Variants in MCF2L2 observed in about 807,000 individuals in gnomAD.
MCF2L2 encodes MCF.2 cell line derived transforming sequence-like 2.
Under a neutral mutation model 150.2 loss-of-function variants are expected in MCF2L2, and 102 were observed. That is an observed-to-expected ratio of 0.68 (90% CI 0.58 to 0.80). The LOEUF is 0.80. MCF2L2 is among the 30% of genes least tolerant of loss of function. The probability of loss-of-function intolerance (pLI) is 0.00; values close to 1 mark genes in which losing one functional copy is unlikely to be tolerated. For synonymous variants in MCF2L2, 465 were observed against 491.3 expected, an observed-to-expected ratio of 0.95 and a Z score of 0.71; for missense variants, 1,256 against 1,372.8, an observed-to-expected ratio of 0.91 and a Z score of 1.34.
chr3:183,206,933 G>A (rs1722499824), intron 23 of MCF2L2, among the ~76,000 whole-genome samples: 3 of 32,000 alleles, frequency 9.4e-5, no homozygotes, highest in South Asian at 1.6e-3. Flanking sequence ...AAGGAAGGAA[G>A]GAAGGAAGGA....
rs554501708 is a variant in MCF2L2, at chr3:183,335,115, C to A, written c.486+3685G>T. Among the ~76,000 whole-genome samples the A allele has an allele frequency of 3.9e-5, 5 of 127,862 alleles. No individual in the cohort carries two copies. In the South Asian group the frequency reaches 6.9e-4, roughly 18 times the overall value. The allele number at this position is 127,862 out of a possible 152,430, so 83.9% of individuals were successfully genotyped here. On this transcript the variant is annotated intron_variant, in intron 5 of 29. Coordinates refer to ENST00000328913, the MANE Select transcript of MCF2L2 (RefSeq NM_015078.4). ...CCTGGGCAACAGAGAGAGACTCTGT[C>A]TTAAAAAAAAAAAAGAAAAAGAAAA...
At chr3:183,415,831 C>T (rs916250342) in intron 1 of MCF2L2, among the ~76,000 whole-genome samples, 1 of 152,116 alleles carries the variant, frequency 6.6e-6, no homozygotes, top group Admixed American at 6.5e-5. Flanking sequence ...TAAACCTAGC[C>T]TGACAATTTC....
intron 3 of MCF2L2, among the ~76,000 whole-genome samples, chr3:183,350,868 C>A (rs4859171): frequency 0.12 from 17,384 of 150,668 alleles, 1,657 homozygotes; most frequent in African/African-American, 0.25. Context: ...AGCGCCACGG[C>A]ACTCCAGCCT....
intron 25 of MCF2L2, among the ~76,000 whole-genome samples, chr3:183,199,403 G>A (rs955781408): frequency 6.6e-6 from 1 of 152,026 alleles, no homozygotes; most frequent in Admixed American, 6.6e-5. Flanking sequence ...GATAAAGCTC[G>A]CTGTGGATTT....
chr3:183,189,788 G>T (rs533259557), intron 27 of MCF2L2, among the ~76,000 whole-genome samples: 1 of 152,192 alleles, frequency 6.6e-6, no homozygotes, highest in Non-Finnish European at 1.5e-5. Context: ...AGTACAAGGC[G>T]AAGTAGGCCA....
chr3:183,207,597 AC>A lies in MCF2L2; in HGVS notation c.2712+10del, dbSNP rs781122576. The A allele has an allele frequency of 2.5e-6, 4 of 1,596,564 alleles. No individual in the cohort carries two copies. The highest frequency in any genetic ancestry group is 2.6e-6 in the Non-Finnish European group (3 of 1,164,780). ...TAGGGCGACTCCCAGATGCAATAGG[AC>A]TCCCTTTACCTTCATGGTCTTCTTG... On this transcript the variant is annotated intron_variant, in intron 23 of 29. Transcript: ENST00000328913.
chr3:183,202,922 T>G (rs1301711861), intron 25 of MCF2L2, among the ~76,000 whole-genome samples: 2 of 152,130 alleles, frequency 1.3e-5, no homozygotes, highest in African/African-American at 4.8e-5. Flanking sequence ...TACAAACTGT[T>G]CCTAGGCCAG....
Position 183,318,214 on chromosome 3 carries a change from T to C in MCF2L2, c.607A>G (p.Ile203Val), listed in dbSNP as rs781263346. 3 of 1,614,218 alleles carry C rather than the reference T, an allele frequency of 1.9e-6. No homozygotes were observed. Among genetic ancestry groups the C allele is most frequent in the Middle Eastern group, 1.6e-4 (1 of 6,062 alleles). Residue 203 changes from isoleucine to valine, a missense_variant, in exon 7 of 30, where the codon ATC becomes GTC. Ile to Val is a conservative substitution (Grantham distance 29). Coordinates refer to ENST00000328913, the MANE Select transcript of MCF2L2 (RefSeq NM_015078.4). ...HGQWVNHRTA[I>V]ENFALTLKTT... ...TTCAAGGTCAAGGCAAAGTTTTCGA[T>C]GGCCTGGAAGGTCAGACAATTGTAA...
intron 7 of MCF2L2, among the ~76,000 whole-genome samples, chr3:183,316,545 A>G (rs1729611609): frequency 6.6e-6 from 1 of 151,682 alleles, no homozygotes; most frequent in Non-Finnish European, 1.5e-5. Flanking sequence ...AGGTTTCCCC[A>G]TGTTGTCCAG....
intron 15 of MCF2L2, among the ~76,000 whole-genome samples, chr3:183,255,765 C>A (rs187397172): frequency 2.7e-5 from 4 of 150,074 alleles, no homozygotes; most frequent in African/African-American, 9.9e-5. Context: ...AAATGGTGAT[C>A]AGTTTTCTCT....
chr3:183,272,186 A>AG, intron 15 of MCF2L2: 2 of 1,000,308 alleles, frequency 2.0e-6, no homozygotes, highest in Non-Finnish European at 2.4e-6. Context: ...GATGTGTCTG[A>AG]GATCTAATAG....
chr3:183,333,901 A>T (rs538904813), intron 5 of MCF2L2, among the ~76,000 whole-genome samples: 25 of 151,340 alleles, frequency 1.7e-4, no homozygotes, highest in Non-Finnish European at 3.2e-4. Context: ...ACAAAGCTGG[A>T]TCAGAGCATG....
At chr3:183,195,194 C>G (rs1451783658) in intron 26 of MCF2L2, 28 bp downstream of exon 26, 4 of 1,565,122 alleles carry the variant, frequency 2.6e-6, no homozygotes, top group Admixed American at 1.9e-5. Context: ...ATTTGACATG[C>G]CTTTAAAATA....
intron 1 of MCF2L2, among the ~76,000 whole-genome samples, chr3:183,410,107 C>G (rs1715247468): frequency 6.6e-6 from 1 of 152,166 alleles, no homozygotes; most frequent in Non-Finnish European, 1.5e-5. Flanking sequence ...CCAATGCAAT[C>G]TCTAAAAGTG....
intron 5 of MCF2L2, among the ~76,000 whole-genome samples, chr3:183,323,676 T>C (rs919637255): frequency 1.3e-5 from 2 of 151,544 alleles, no homozygotes; most frequent in African/African-American, 4.9e-5. Context: ...CATGCACCTG[T>C]GGCCCCAGCT....
At chr3:183,342,885 G>A (rs942853207) in intron 3 of MCF2L2, among the ~76,000 whole-genome samples, 78 of 152,256 alleles carry the variant, frequency 5.1e-4, no homozygotes, top group Middle Eastern at 3.4e-3. Flanking sequence ...CTACAAAAGT[G>A]TGTATATGTG....
chr3:183,345,595 C>T (rs931028232), intron 3 of MCF2L2, among the ~76,000 whole-genome samples: 2 of 152,128 alleles, frequency 1.3e-5, no homozygotes. Flanking sequence ...GAGATAGAGA[C>T]CTGAAGAACC....
chr3:183,209,932 C>T (rs902161507), intron 22 of MCF2L2, among the ~76,000 whole-genome samples: 2 of 151,366 alleles, frequency 1.3e-5, no homozygotes, highest in African/African-American at 4.9e-5. Context: ...TCCAATCCTC[C>T]CCTAAAAAAA....
intron 25 of MCF2L2, 67 bp from the exon 26 acceptor site, chr3:183,195,322 T>G: frequency 8.9e-7 from 1 of 1,123,130 alleles, no homozygotes; most frequent in Non-Finnish European, 1.3e-6. Flanking sequence ...TTTTACATAG[T>G]GATTTTTAAA....
Sources: allele counts gnomAD v4.1 joint callset (sites outside exome capture counted in the v4.1 genomes callset), GRCh38; gene constraint gnomAD v4.1.1; transcripts MANE v1.5; gene names NCBI Gene and HGNC (gene_info 2026-07-23, HGNC 2026-07-21).